Variants in CLVS1 observed in about 807,000 individuals in gnomAD.
The protein encoded by CLVS1 is clavesin-1.
In CLVS1, 10 loss-of-function variants were observed where a neutral mutation model predicts 33.1. The observed-to-expected ratio is 0.30, with a 90% CI of 0.19 to 0.51. The LOEUF is 0.51. Ranked by LOEUF, CLVS1 falls within the 20% of genes least tolerant of loss-of-function variation. The pLI is 0.97. For missense variants in CLVS1, 343 were observed against 433.4 expected (o/e 0.79, Z 1.85); for synonymous variants, 163 against 166.1 (o/e 0.98, Z 0.14).
intron 2 of CLVS1, among the ~76,000 whole-genome samples, chr8:61,334,878 G>A (rs1475484583): frequency 3.9e-5 from 6 of 152,158 alleles, no homozygotes; most frequent in Non-Finnish European, 7.3e-5. Flanking sequence ...AGTAATTCAC[G>A]CAGAGCTGGC....
intron 2 of CLVS1, among the ~76,000 whole-genome samples, chr8:61,169,316 C>T (rs1318798201): frequency 6.6e-6 from 1 of 152,142 alleles, no homozygotes; most frequent in Non-Finnish European, 1.5e-5. Context: ...CCTTTTTGTG[C>T]CCACCAAGCA....
chr8:61,427,704 A>C (rs1406300367), intron 3 of CLVS1, among the ~76,000 whole-genome samples: 2 of 152,220 alleles, frequency 1.3e-5, no homozygotes, highest in African/African-American at 4.8e-5. Context: ...CAGAGAGGTT[A>C]AGTTATTTGA....
chr8:61,171,232 G>A (rs958411603), intron 2 of CLVS1, among the ~76,000 whole-genome samples: 1 of 152,146 alleles, frequency 6.6e-6, no homozygotes, highest in Non-Finnish European at 1.5e-5. Flanking sequence ...CAAAAATCAA[G>A]TTAATAGATT....
chr8:61,076,429 T>C (rs1307722904), intron 1 of CLVS1, among the ~76,000 whole-genome samples: 2 of 152,324 alleles, frequency 1.3e-5, no homozygotes, highest in Middle Eastern at 3.4e-3. Flanking sequence ...TGTTAGCAAA[T>C]GTACTGAGTA....
intron 3 of CLVS1, among the ~76,000 whole-genome samples, chr8:61,380,635 G>A (rs1813835315): frequency 6.6e-6 from 1 of 152,064 alleles, no homozygotes; most frequent in East Asian, 1.9e-4. Flanking sequence ...TCAATATAAA[G>A]TCTAAAAGAG....
intron 1 of CLVS1, among the ~76,000 whole-genome samples, chr8:61,291,761 G>A (rs932365463): frequency 6.6e-6 from 1 of 151,962 alleles, no homozygotes; most frequent in Admixed American, 6.6e-5. Context: ...CAAACATAGT[G>A]AGAGTAATTA....
At chr8:61,222,277 G>T (rs918824353) in intron 2 of CLVS1, among the ~76,000 whole-genome samples, 9 of 151,758 alleles carry the variant, frequency 5.9e-5, no homozygotes, top group African/African-American at 1.9e-4. Flanking sequence ...TGATGTTAGG[G>T]TGTCAATTTG....
chr8:60,980,009 G>A, the CLVS1 span, among the ~76,000 whole-genome samples: 3 of 152,184 alleles, frequency 2.0e-5, no homozygotes, highest in Non-Finnish European at 2.9e-5. Context: ...GGTCAACAGC[G>A]TAAGTTCCTC....
intron 2 of CLVS1, among the ~76,000 whole-genome samples, chr8:61,160,928 T>C (rs1806738752): frequency 6.6e-6 from 1 of 152,146 alleles, no homozygotes; most frequent in African/African-American, 2.4e-5. Context: ...AAACCATATG[T>C]CTCATGAGTT....
chr8:61,437,291 A>C (rs1816366041), intron 3 of CLVS1, among the ~76,000 whole-genome samples: 1 of 152,224 alleles, frequency 6.6e-6, no homozygotes, highest in African/African-American at 2.4e-5. Flanking sequence ...GAGGGGTGGA[A>C]CTGTACTGTG....
At chr8:61,357,503 T>C (rs1356326763) in intron 2 of CLVS1, among the ~76,000 whole-genome samples, 66 of 101,706 alleles carry the variant, frequency 6.5e-4, no homozygotes, top group African/African-American at 2.6e-3. Context: ...TCTTTTTTTT[T>C]TTTTTTTTTT....
chr8:61,424,633 T>G lies in CLVS1; in HGVS notation c.631-29508T>G, dbSNP rs545876210. The stretch of plus-strand genomic sequence containing the variant: ...GTGCTTTAGTTCTTTTTTTCTGATG[T>G]CTTTCCCCCACCAAATTGTATCCTG... On this transcript the variant is annotated intron_variant, in intron 3 of 5. Coordinates refer to ENST00000325897, the MANE Select transcript of CLVS1 (RefSeq NM_173519.3). 5.5e-4 allele frequency among the ~76,000 whole-genome samples: 84 copies of G among 152,308 alleles called. 1 individual carries two copies. In the Middle Eastern group the frequency reaches 0.027, roughly 49 times the overall value.
intron 3 of CLVS1, among the ~76,000 whole-genome samples, chr8:61,427,954 A>G (rs1366113214): frequency 6.6e-6 from 1 of 152,158 alleles, no homozygotes; most frequent in Non-Finnish European, 1.5e-5. Flanking sequence ...ACACAGACAC[A>G]CACACGATAT....
intron 2 of CLVS1, among the ~76,000 whole-genome samples, chr8:61,335,075 G>A (rs772165249): frequency 4.6e-5 from 7 of 152,132 alleles, no homozygotes; most frequent in Non-Finnish European, 1.0e-4. Flanking sequence ...TCCTGGGTTG[G>A]GGGCCAAGAT....
intron 2 of CLVS1, among the ~76,000 whole-genome samples, chr8:61,214,988 T>C (rs1283171721): frequency 6.6e-6 from 1 of 152,232 alleles, no homozygotes; most frequent in Non-Finnish European, 1.5e-5. Flanking sequence ...ATTTTCACAT[T>C]GAAAATGTTT....
intron 2 of CLVS1, among the ~76,000 whole-genome samples, chr8:61,146,572 G>A (rs977262085): frequency 6.6e-6 from 1 of 152,222 alleles, no homozygotes; most frequent in African/African-American, 2.4e-5. Flanking sequence ...GACATTTAGG[G>A]AACCATGTAG....
chr8:61,192,104 T>C (rs917209267), intron 2 of CLVS1, among the ~76,000 whole-genome samples: 62 of 152,300 alleles, frequency 4.1e-4, no homozygotes, highest in African/African-American at 1.4e-3. Flanking sequence ...GCTGGAGGCA[T>C]CACGCTACCT....
rs34032554 is a variant in CLVS1, at chr8:61,377,894, T to TGGCTACATCATAA, written c.630+1115_630+1116insGGCTACATCATAA. 1.3e-4 allele frequency: 3 copies of TGGCTACATCATAA among 22,386 alleles called. No individual in the cohort carries two copies. The South Asian group carries it at 3.2e-3, about 24-fold the overall frequency. 1.4% of individuals were successfully genotyped at this position (22,386 alleles called of 1,614,324 possible). On this transcript the variant is annotated intron_variant, in intron 3 of 5. Transcript: ENST00000325897. ...TCCAGGGATGCCACATTGTCCTGGGTAGTGTATTTGGGGGACATTTGTAAA... is the reference window on the plus strand; with the variant it reads ...TCCAGGGATGCCACATTGTCCTGGGTGGCTACATCATAAAGTGTATTTGGGGGACATTTGTAAA...
intron 3 of CLVS1, among the ~76,000 whole-genome samples, chr8:61,432,935 A>G (rs933659668): frequency 1.3e-5 from 2 of 152,058 alleles, no homozygotes; most frequent in Non-Finnish European, 2.9e-5. Flanking sequence ...GTAGGAGGGG[A>G]ACGAGGAAAG....
Sources: gnomAD v4.1 joint callset for allele counts (sites outside exome capture counted in the v4.1 genomes callset) on GRCh38, gnomAD v4.1.1 for gene constraint, MANE v1.5 for transcripts, NCBI Gene and HGNC (gene_info 2026-07-23, HGNC 2026-07-21) for gene names.